TMEM232: variants seen among roughly 807,000 people sequenced by gnomAD.
TMEM232 encodes the protein transmembrane protein 232.
In TMEM232, 80 loss-of-function variants were observed where a neutral mutation model predicts 78.8. That is an observed-to-expected ratio of 1.01 (90% confidence interval 0.85 to 1.22). The LOEUF is 1.22. TMEM232 is among the 50% of genes most tolerant of loss of function. TMEM232 has a pLI of 0.00. For missense variants in TMEM232, 881 were observed against 742.2 expected, an observed-to-expected ratio of 1.19 and a Z score of -2.17; for synonymous variants, 297 against 254.3, an observed-to-expected ratio of 1.17 and a Z score of -1.60.
chr5:110,550,710 G>A (rs993815902), intron 11 of TMEM232, among the ~76,000 whole-genome samples: 2 of 151,810 alleles, frequency 1.3e-5, no homozygotes, highest in Non-Finnish European at 2.9e-5. Context: ...GTGGCAGGAT[G>A]TAAATATCCA....
chr5:110,516,355 T>C lies in TMEM232; in HGVS notation c.1703+12233A>G, dbSNP rs555030854. Among the ~76,000 whole-genome samples the C allele has an allele frequency of 4.6e-4, 70 of 152,298 alleles. 1 individual carries two copies. The highest frequency in any genetic ancestry group is 3.4e-3 in the Middle Eastern group (1 of 294). On this transcript the variant is annotated intron_variant, in intron 12 of 13. Coordinates refer to ENST00000455884, the MANE Select transcript of TMEM232 (RefSeq NM_001039763.4). ...TTAGTTGTTTATAAGATTTTAGAGA[T>C]TCGAGGCATAAGCTTAGAAAATACA...
chr5:110,735,025 A>T (rs192735381), intron 1 of TMEM232: 1 of 152,350 alleles, frequency 6.6e-6, no homozygotes, highest in Non-Finnish European at 1.5e-5. Flanking sequence ...TCTAAAAAAG[A>T]TATAAATAAA....
rs750783377 is a variant in TMEM232, at chr5:110,667,252, C to T, written c.101G>A (p.Ser34Asn). 64 of 1,546,000 alleles carry T rather than the reference C, an allele frequency of 4.1e-5. No homozygotes were observed. The Admixed American group carries it at 7.1e-4, about 17-fold the overall frequency. Residue 34 changes from serine (S) to asparagine (N), a missense_variant, in exon 2 of 14, where the codon AGT becomes AAT. Ser to Asn is a conservative substitution (Grantham distance 46). Transcript: ENST00000455884. ...ELWKLNFQHL[S>N]GERGHKSRPT... is the part of the protein sequence containing the mutation. ...CCTTGATTTATGACCCCTTTCTCCA[C>T]TTAAATGTTGAAAATTTAATTTCCA...
chr5:110,679,649 T>G (rs1792467789), intron 1 of TMEM232, among the ~76,000 whole-genome samples: 1 of 152,226 alleles, frequency 6.6e-6, no homozygotes. Flanking sequence ...CATATGAAAT[T>G]ACTCTTTCAC....
chr5:110,556,318 TCTTTCCTTCCTCC>T (rs1007616042), intron 11 of TMEM232, among the ~76,000 whole-genome samples: 13 of 150,478 alleles, frequency 8.6e-5, no homozygotes, highest in Admixed American at 2.0e-4. Flanking sequence ...CTTCCTTTCT[TCTTTCCTTCCTCC>T]CTTTCCTTCC....
At chr5:110,507,283 A>T (rs1027475573) in intron 12 of TMEM232, among the ~76,000 whole-genome samples, 4 of 152,202 alleles carry the variant, frequency 2.6e-5, no homozygotes, top group Non-Finnish European at 5.9e-5. Flanking sequence ...GCTTCATAAC[A>T]GTATGCATAA....
chr5:110,647,765 T>A (rs1344713645), intron 2 of TMEM232, among the ~76,000 whole-genome samples: 1 of 151,952 alleles, frequency 6.6e-6, no homozygotes, highest in East Asian at 1.9e-4. Context: ...AAAATGTTGG[T>A]TGTGCTAACC....
chr5:110,627,400 T>C (rs1188303912), intron 6 of TMEM232, among the ~76,000 whole-genome samples: 2 of 151,628 alleles, frequency 1.3e-5, no homozygotes, highest in South Asian at 4.2e-4. Context: ...GAACAGGGAG[T>C]AGGTCGTGAG....
intron 12 of TMEM232, among the ~76,000 whole-genome samples, chr5:110,447,302 C>T (rs1218886431): frequency 6.6e-6 from 1 of 152,084 alleles, no homozygotes; most frequent in African/African-American, 2.4e-5. Flanking sequence ...CGTCTCCTTA[C>T]ATTCCTGCAC....
intron 12 of TMEM232, among the ~76,000 whole-genome samples, chr5:110,455,330 G>C (rs532397403): frequency 1.1e-4 from 16 of 151,546 alleles, no homozygotes; most frequent in African/African-American, 3.6e-4. Context: ...AAAAAAGGAT[G>C]TTACAGGAAA....
At chr5:110,524,434 A>G (rs1561624469) in intron 12 of TMEM232, among the ~76,000 whole-genome samples, 1 of 144,660 alleles carries the variant, frequency 6.9e-6, no homozygotes, top group African/African-American at 2.5e-5. Flanking sequence ...AGAAAAGAAA[A>G]GAAAAGAAAG....
At chr5:110,626,824 A>G (rs755838110) in intron 6 of TMEM232, among the ~76,000 whole-genome samples, 4 of 151,998 alleles carry the variant, frequency 2.6e-5, no homozygotes, top group Non-Finnish European at 5.9e-5. Flanking sequence ...TTCTATGACA[A>G]TGTTGATCTT....
intron 13 of TMEM232, among the ~76,000 whole-genome samples, chr5:110,421,582 G>A (rs192632609): frequency 2.3e-4 from 35 of 152,200 alleles, no homozygotes; most frequent in East Asian, 7.7e-4. Flanking sequence ...TGCCAATGCT[G>A]TCTTTTTGTC....
intron 10 of TMEM232, among the ~76,000 whole-genome samples, chr5:110,600,524 A>T (rs180981867): frequency 1.3e-3 from 195 of 152,330 alleles, no homozygotes; most frequent in Non-Finnish European, 2.1e-3. Context: ...ATCAGAGAAT[A>T]CTATAAACAC....
intron 12 of TMEM232, among the ~76,000 whole-genome samples, chr5:110,448,238 T>C (rs553374694): frequency 7.2e-5 from 11 of 152,180 alleles, no homozygotes; most frequent in African/African-American, 2.4e-4. Flanking sequence ...ATTTTAGATT[T>C]TCAAGAACTT....
intron 1 of TMEM232, among the ~76,000 whole-genome samples, chr5:110,697,520 A>C (rs1794939696): frequency 6.6e-6 from 1 of 152,190 alleles, no homozygotes; most frequent in African/African-American, 2.4e-5. Context: ...CAACCTACAG[A>C]ATGGGAGAAA....
chr5:110,634,145 T>C (rs576513598), intron 5 of TMEM232, among the ~76,000 whole-genome samples: 70 of 152,220 alleles, frequency 4.6e-4, no homozygotes, highest in Non-Finnish European at 8.7e-4. Flanking sequence ...GAAGAGGATA[T>C]TATAATTCTA....
chr5:110,596,007 T>C (rs952513578), intron 10 of TMEM232, among the ~76,000 whole-genome samples: 1 of 152,000 alleles, frequency 6.6e-6, no homozygotes, highest in African/African-American at 2.4e-5. Flanking sequence ...AAGGAAAAAT[T>C]GTTAAGGGCA....
chr5:110,663,332 T>C (rs1790064529), intron 2 of TMEM232, among the ~76,000 whole-genome samples: 1 of 151,970 alleles, frequency 6.6e-6, no homozygotes. Context: ...AGGCATACCT[T>C]GGGAGAATTT....
Sources: allele counts gnomAD v4.1 joint callset (sites outside exome capture counted in the v4.1 genomes callset), GRCh38; gene constraint gnomAD v4.1.1; transcripts MANE v1.5; gene names NCBI Gene and HGNC (gene_info 2026-07-23, HGNC 2026-07-21).